Variants in SNX4 observed in about 807,000 individuals in gnomAD.
SNX4 encodes sorting nexin-4.
Under a neutral mutation model 70.8 loss-of-function variants are expected in SNX4, and 49 were observed. The ratio of observed to expected loss-of-function variants is 0.69; its 90% CI spans 0.55 to 0.88. The LOEUF is 0.88. SNX4 is among the 40% of genes least tolerant of loss of function. SNX4 has a pLI of 0.00. For missense variants in SNX4, 528 were observed against 544.8 expected (o/e 0.97, Z 0.31); for synonymous variants, 206 against 183.8 (o/e 1.12, Z -0.98).
Position 125,498,214 on chromosome 3 carries a change from C to G in SNX4, c.264-20G>C. Reference sequence around the variant, plus strand: ...ACTGACCTGAAAAGGAACAGAACAACACTTGTTATTTTTTATAAACAAAAA... The same window carrying G: ...ACTGACCTGAAAAGGAACAGAACAAGACTTGTTATTTTTTATAAACAAAAA... On this transcript the variant is annotated intron_variant, in intron 2 of 13. Transcript: ENST00000251775. The G allele has an allele frequency of 1.3e-6, 2 of 1,595,996 alleles. No individual in the cohort carries two copies. Among genetic ancestry groups the G allele is most frequent in the Non-Finnish European group, 1.7e-6 (2 of 1,173,338 alleles).
chr3:125,509,793 T>C (rs112640766), intron 1 of SNX4, among the ~76,000 whole-genome samples: 3 of 130,964 alleles, frequency 2.3e-5, no homozygotes, highest in African/African-American at 5.5e-5. Context: ...AATTCAAAAA[T>C]GGAAAAATGA....
At chr3:125,505,691 C>T (rs1935030222) in intron 1 of SNX4, among the ~76,000 whole-genome samples, 1 of 152,186 alleles carries the variant, frequency 6.6e-6, no homozygotes, top group Non-Finnish European at 1.5e-5. Flanking sequence ...CATGTTGTTG[C>T]AAGCCTCTTG....
At chr3:125,517,797 G>A (rs1935314510) in intron 1 of SNX4, among the ~76,000 whole-genome samples, 1 of 151,894 alleles carries the variant, frequency 6.6e-6, no homozygotes, top group Non-Finnish European at 1.5e-5. Context: ...CGAACATGAT[G>A]AAACCCCAAC....
intron 8 of SNX4, among the ~76,000 whole-genome samples, chr3:125,475,759 C>T (rs1934276927): frequency 6.6e-6 from 1 of 152,172 alleles, no homozygotes; most frequent in South Asian, 2.1e-4. Flanking sequence ...AATGGATCAC[C>T]TGAGCTCAGG....
At chr3:125,481,447 CTTTT>C (rs34708524) in intron 6 of SNX4, among the ~76,000 whole-genome samples, 3 of 134,836 alleles carry the variant, frequency 2.2e-5, no homozygotes, top group African/African-American at 2.7e-5. Context: ...TTCCTGAAAT[CTTTT>C]TTTTTTTTTT....
chr3:125,502,161 G>T (rs1934942715), intron 2 of SNX4, among the ~76,000 whole-genome samples: 1 of 152,040 alleles, frequency 6.6e-6, no homozygotes, highest in African/African-American at 2.4e-5. Flanking sequence ...TTTTAAAGTG[G>T]CTAATTTAAC....
At chr3:125,518,695 C>G (rs961287042) in intron 1 of SNX4, among the ~76,000 whole-genome samples, 2 of 151,958 alleles carry the variant, frequency 1.3e-5, no homozygotes, top group African/African-American at 4.8e-5. Context: ...GGTGAAAACC[C>G]ATCTCTACAA....
At chr3:125,466,387 T>C (rs1934020702) in intron 9 of SNX4, among the ~76,000 whole-genome samples, 2 of 148,262 alleles carry the variant, frequency 1.3e-5, no homozygotes, top group African/African-American at 4.9e-5. Flanking sequence ...ATTTGGGACA[T>C]AGGCTATGGC....
intron 11 of SNX4, among the ~76,000 whole-genome samples, chr3:125,454,974 G>T (rs1933672749): frequency 6.6e-6 from 1 of 151,906 alleles, no homozygotes; most frequent in East Asian, 1.9e-4. Flanking sequence ...TGTTGCCCAG[G>T]CTAGAATGTA....
At chr3:125,449,418 CAAA>C (rs1212260769) in intron 13 of SNX4, among the ~76,000 whole-genome samples, 2 of 101,784 alleles carry the variant, frequency 2.0e-5, no homozygotes, top group Non-Finnish European at 2.1e-5. Flanking sequence ...GACTCTGTCT[CAAA>C]AAAAAAAAAA....
chr3:125,497,987 G>C lies in SNX4; in HGVS notation c.400-4C>G. On this transcript the variant is annotated splice_polypyrimidine_tract_variant and splice_region_variant and intron_variant, in intron 3 of 13. Transcript: ENST00000251775. ...GTTTATGCCAAACAAATTCTGCCTA[G>C]GTAAACAAAATAATCATTAAGAATA... The C allele has an allele frequency of 6.2e-7, 1 of 1,613,996 alleles. No homozygotes were observed. The highest frequency in any genetic ancestry group is 8.5e-7 in the Non-Finnish European group (1 of 1,180,004).
In SNX4 at chr3:125,480,361, ACAAG is replaced by A. The variant is rs1934382678; in HGVS notation, c.654-46_654-43del. 2.3e-6 allele frequency: 3 copies of A among 1,327,482 alleles called. No homozygotes were observed. In the East Asian group the frequency reaches 7.7e-5, roughly 34 times the overall value. The allele number at this position is 1,327,482 out of a possible 1,614,324, so 82.2% of individuals were successfully genotyped here. ...ATAAAACATCGTTTTTCAAATGAAAACAAGCAGTCAAAAACTGAAAGAAAAAAAC... is the reference window on the plus strand; with the variant it reads ...ATAAAACATCGTTTTTCAAATGAAAACAGTCAAAAACTGAAAGAAAAAAAC... On this transcript the variant is annotated intron_variant, in intron 6 of 13. Transcript: ENST00000251775.
At chr3:125,497,706 G>A in intron 4 of SNX4, 128 bp downstream of exon 4, 1 of 660,088 alleles carries the variant, frequency 1.5e-6, no homozygotes, top group African/African-American at 1.8e-5. Flanking sequence ...CCATTAATTA[G>A]AAATTCATAA....
At chr3:125,489,521 C>A in intron 5 of SNX4, 58 bp from the exon 6 acceptor site, 1 of 1,361,186 alleles carries the variant, frequency 7.3e-7, no homozygotes, top group African/African-American at 1.4e-5. Context: ...AAAATTCAAA[C>A]AATTTTACTT....
intron 6 of SNX4, among the ~76,000 whole-genome samples, chr3:125,488,409 A>G (rs868141260): frequency 6.6e-6 from 1 of 152,200 alleles, no homozygotes; most frequent in South Asian, 2.1e-4. Flanking sequence ...CGGGAGGCAG[A>G]GGTTGCAGTG....
intron 11 of SNX4, 123 bp from the exon 12 acceptor site, chr3:125,454,078 C>T (rs939512846): frequency 1.4e-6 from 1 of 735,658 alleles, no homozygotes; most frequent in Non-Finnish European, 2.2e-6. Context: ...CATGGATAAA[C>T]CTGCAGGACA....
intron 1 of SNX4, among the ~76,000 whole-genome samples, chr3:125,516,414 T>C (rs969034926): frequency 6.6e-5 from 10 of 152,234 alleles, no homozygotes; most frequent in Non-Finnish European, 1.3e-4. Flanking sequence ...AGAGCTTACA[T>C]AGAGTTTAAA....
intron 9 of SNX4, among the ~76,000 whole-genome samples, chr3:125,468,605 G>C (rs1579982466): frequency 6.6e-6 from 1 of 152,216 alleles, no homozygotes; most frequent in Admixed American, 6.5e-5. Context: ...CAGCACTTTG[G>C]GAGGCCAAGG....
intron 6 of SNX4, among the ~76,000 whole-genome samples, chr3:125,481,506 T>C (rs1934411857): frequency 6.6e-6 from 1 of 150,436 alleles, no homozygotes; most frequent in African/African-American, 2.4e-5. Context: ...TGGAGTGCAA[T>C]GGCGCAATCT....
Sources: allele counts gnomAD v4.1 joint callset (sites outside exome capture counted in the v4.1 genomes callset), GRCh38; gene constraint gnomAD v4.1.1; transcripts MANE v1.5; gene names NCBI Gene and HGNC (gene_info 2026-07-23, HGNC 2026-07-21).